Variants in CRY1 observed in about 807,000 individuals in gnomAD.
CRY1 encodes cryptochrome circadian regulator 1.
In CRY1, 45 loss-of-function variants were observed where a neutral mutation model predicts 76.0. That is an observed-to-expected ratio of 0.59 (90% CI 0.47 to 0.76). The LOEUF (loss-of-function observed/expected upper bound fraction) is 0.76, where lower values mean the gene tolerates loss of function less well. Among genes scored for constraint, CRY1 ranks in the 30% least tolerant of loss-of-function variants. The pLI, the probability that CRY1 is intolerant of heterozygous loss-of-function variation, is 0.00. For synonymous variants in CRY1, 248 were observed against 244.0 expected, an observed-to-expected ratio of 1.02 and a Z score of -0.15; for missense variants, 587 against 716.4, an observed-to-expected ratio of 0.82 and a Z score of 2.06.
intron 1 of CRY1, among the ~76,000 whole-genome samples, chr12:107,083,318 C>T (rs767258933): frequency 6.6e-5 from 10 of 152,128 alleles, no homozygotes; most frequent in South Asian, 6.2e-4. Context: ...AAGAAAAAGA[C>T]GGACTGCTCC....
At chr12:107,074,844 G>C (rs936888238) in intron 1 of CRY1, among the ~76,000 whole-genome samples, 1 of 151,970 alleles carries the variant, frequency 6.6e-6, no homozygotes. Context: ...ATGAAACCCC[G>C]TCTCTAGTAA....
At chr12:107,021,617 G>C (rs146280866) in intron 2 of CRY1, among the ~76,000 whole-genome samples, 79 of 152,164 alleles carry the variant, frequency 5.2e-4, no homozygotes, top group African/African-American at 1.7e-3. Context: ...GGCAGAGAAT[G>C]GTGTGTATAG....
chr12:107,060,475 C>T (rs1261036964), intron 1 of CRY1, among the ~76,000 whole-genome samples: 1 of 152,132 alleles, frequency 6.6e-6, no homozygotes, highest in African/African-American at 2.4e-5. Flanking sequence ...AACCCATAAG[C>T]AATATATTTT....
intron 1 of CRY1, among the ~76,000 whole-genome samples, chr12:107,068,207 C>T (rs1030529251): frequency 6.6e-6 from 1 of 152,068 alleles, no homozygotes; most frequent in Non-Finnish European, 1.5e-5. Context: ...TCATCTGGCC[C>T]TTTACATTAA....
At chr12:107,011,842 A>C (rs1952447155) in intron 2 of CRY1, among the ~76,000 whole-genome samples, 1 of 152,240 alleles carries the variant, frequency 6.6e-6, no homozygotes, top group Admixed American at 6.5e-5. Flanking sequence ...GTGTTGATGA[A>C]GCAGCCTTCT....
chr12:107,027,618 G>C (rs1952630876), intron 1 of CRY1, among the ~76,000 whole-genome samples: 1 of 152,044 alleles, frequency 6.6e-6, no homozygotes, highest in African/African-American at 2.4e-5. Context: ...ACATTTTAAG[G>C]ATTTTTTTCC....
At chr12:107,092,779 C>A in intron 1 of CRY1, 25 bp downstream of exon 1, 1 of 1,610,296 alleles carries the variant, frequency 6.2e-7, no homozygotes, top group Non-Finnish European at 8.5e-7. Flanking sequence ...CACCCAAATC[C>A]ATTTCCCACG....
At position 107,073,454 on chromosome 12, in the gene CRY1, C is replaced by T. The variant is rs1050596676; in HGVS notation, c.158+19350G>A. On this transcript the variant is annotated intron_variant, in intron 1 of 12. Transcript: ENST00000008527. ...AAAGACTGCCATTACTGGCTGGGCA[C>T]GGTGACTCATGCCTGTAATCCCAGC... Among the ~76,000 whole-genome samples, 13 of 152,222 alleles carry T rather than the reference C, an allele frequency of 8.5e-5. No homozygotes were observed. In the South Asian group the frequency reaches 2.7e-3, roughly 32 times the overall value.
At chr12:106,999,227 T>C (rs1952272360) in intron 7 of CRY1, among the ~76,000 whole-genome samples, 1 of 152,178 alleles carries the variant, frequency 6.6e-6, no homozygotes, top group African/African-American at 2.4e-5. Flanking sequence ...AACTCTTTAG[T>C]GAATTCTTTT....
chr12:107,003,804 T>C (rs1304238781), intron 3 of CRY1, among the ~76,000 whole-genome samples: 2 of 147,300 alleles, frequency 1.4e-5, no homozygotes, highest in Non-Finnish European at 2.9e-5. Flanking sequence ...CAATAAACAC[T>C]TGATTTTTTT....
intron 8 of CRY1, 25 bp downstream of exon 8, chr12:106,997,890 T>A: frequency 6.2e-7 from 1 of 1,606,276 alleles, no homozygotes; most frequent in East Asian, 2.2e-5. Context: ...TATTCCAAAC[T>A]GAGTAGTAAT....
rs1215334736 is a variant in CRY1, at chr12:107,093,316, G to A, written c.-355C>T. The A allele has an allele frequency of 8.7e-6, 2 of 229,566 alleles. No individual in the cohort carries two copies. The highest frequency in any genetic ancestry group is 1.7e-5 in the Non-Finnish European group (2 of 118,066). 14.2% of individuals were successfully genotyped at this position (229,566 alleles called of 1,614,324 possible). On this transcript the variant is annotated 5_prime_UTR_variant, in exon 1 of 13. Transcript: ENST00000008527. Reference sequence around the variant, plus strand: ...CCGCCACGACGGCCCGAGCCGGCACGGACGGCCCCAGGAGATTCGTCACGG... The same window carrying A: ...CCGCCACGACGGCCCGAGCCGGCACAGACGGCCCCAGGAGATTCGTCACGG...
At chr12:107,037,330 G>C (rs1268604620) in intron 1 of CRY1, among the ~76,000 whole-genome samples, 2 of 152,082 alleles carry the variant, frequency 1.3e-5, no homozygotes, top group African/African-American at 4.8e-5. Flanking sequence ...TCAGGAGTTC[G>C]AGACCAGCCT....
At position 106,999,795 on chromosome 12, in the gene CRY1, G is replaced by A; in HGVS notation, c.893C>T (p.Thr298Ile). 6.2e-7 allele frequency: 1 copy of A among 1,614,200 alleles called. No homozygotes were observed. Among genetic ancestry groups the A allele is most frequent in the Non-Finnish European group, 8.5e-7 (1 of 1,180,030 alleles). The change falls in exon 7 of 13, where the codon ACA becomes ATA. Residue 298 changes from threonine (T) to isoleucine (I), a missense_variant. Transcript: ENST00000008527. Reference protein sequence around the residue: ...GQLLWREFFYTAATNNPRFDK... With the variant: ...GQLLWREFFYIAATNNPRFDK... Reference sequence around the variant, plus strand: ...AAAGCGTGGATTATTTGTTGCTGCTGTATAGAAAAATTCACGCCATAACAG... The same window carrying A: ...AAAGCGTGGATTATTTGTTGCTGCTATATAGAAAAATTCACGCCATAACAG...
At position 107,085,632 on chromosome 12, in the gene CRY1, G is replaced by A. The variant is rs191547186; in HGVS notation, c.158+7172C>T. ...CAATGAGAACACATGGACACGGGGA[G>A]GGGAACAGCACATACCGGGGCCTGC... On this transcript the variant is annotated intron_variant, in intron 1 of 12. Transcript: ENST00000008527. Among the ~76,000 whole-genome samples the A allele has an allele frequency of 2.4e-3, 358 of 152,216 alleles. 1 individual carries two copies. Among genetic ancestry groups the A allele is most frequent in the Non-Finnish European group, 4.1e-3 (280 of 68,012 alleles).
intron 1 of CRY1, among the ~76,000 whole-genome samples, chr12:107,047,097 C>T (rs928594930): frequency 6.6e-6 from 1 of 152,156 alleles, no homozygotes; most frequent in Non-Finnish European, 1.5e-5. Flanking sequence ...GCATATGAAA[C>T]GTTCTTGTGG....
At chr12:107,021,481 G>T (rs532123702) in intron 2 of CRY1, among the ~76,000 whole-genome samples, 1 of 151,986 alleles carries the variant, frequency 6.6e-6, no homozygotes, top group Admixed American at 6.6e-5. Flanking sequence ...ATAATTAAAC[G>T]TTCAGTAGAA....
At chr12:107,087,114 T>C (rs761891216) in intron 1 of CRY1, among the ~76,000 whole-genome samples, 4 of 152,046 alleles carry the variant, frequency 2.6e-5, no homozygotes, top group African/African-American at 4.8e-5. Context: ...GTAAACAGCA[T>C]ACACCCTCAG....
Position 107,025,049 on chromosome 12 carries a change from T to C in CRY1, c.159-2857A>G, listed in dbSNP as rs141781623. The stretch of plus-strand genomic sequence containing the variant: ...AAACTATTTGCATATATTACTCTGA[T>C]AAAATAAAATTTACATTGCATGCAT... On this transcript the variant is annotated intron_variant, in intron 1 of 12. Transcript: ENST00000008527. Among the ~76,000 whole-genome samples, 1,087 of 152,322 alleles carry C rather than the reference T, an allele frequency of 7.1e-3. 8 individuals are homozygous for C. Among genetic ancestry groups the C allele is most frequent in the Non-Finnish European group, 8.1e-3 (554 of 68,016 alleles).
Sources: gnomAD v4.1 joint callset for allele counts (sites outside exome capture counted in the v4.1 genomes callset) on GRCh38, gnomAD v4.1.1 for gene constraint, MANE v1.5 for transcripts, NCBI Gene and HGNC (gene_info 2026-07-23, HGNC 2026-07-21) for gene names.